ADH6: variants seen among roughly 807,000 people sequenced by gnomAD.
The protein encoded by ADH6 is alcohol dehydrogenase 6.
Under a neutral mutation model 36.5 loss-of-function variants are expected in ADH6, and 34 were observed. The observed-to-expected ratio is 0.93, with a 90% confidence interval of 0.71 to 1.24. The LOEUF (loss-of-function observed/expected upper bound fraction) is 1.24. Ranked by LOEUF, ADH6 falls within the 50% of genes most tolerant of loss-of-function variation. The pLI is 0.00. For missense variants in ADH6, 440 were observed against 447.0 expected (o/e 0.98, Z 0.14); for synonymous variants, 161 against 155.5 (o/e 1.04, Z -0.26).
At chr4:99,205,205 A>G (rs1387194702) in intron 7 of ADH6, 142 bp from the exon 8 acceptor site, 3 of 808,606 alleles carry the variant, frequency 3.7e-6, no homozygotes, top group African/African-American at 3.5e-5. Flanking sequence ...CATCAGGAGA[A>G]TGCCTACCCC....
In ADH6 at chr4:99,216,197, T is replaced by C. The variant is rs747201312; in HGVS notation, c.84A>G (p.Glu28=). The C allele has an allele frequency of 6.3e-7, 1 of 1,577,296 alleles. No individual in the cohort carries two copies. The highest frequency in any genetic ancestry group is 8.6e-7 in the Non-Finnish European group (1 of 1,162,198). The change falls in exon 2 of 9, where the codon GAA becomes GAG. Residue 28 remains glutamate, a synonymous_variant. Transcript: ENST00000394899. ...PGAPFSIEEV[E]VAPPKAKEVR... ...CTTCCTTTGCCTTTGGTGGGGCCACTTCTACCTCTTCAATAGAAAATGGTG... is the reference window on the plus strand; with the variant it reads ...CTTCCTTTGCCTTTGGTGGGGCCACCTCTACCTCTTCAATAGAAAATGGTG...
At chr4:99,211,275 G>T (rs17028735) in intron 3 of ADH6, among the ~76,000 whole-genome samples, 2 of 151,964 alleles carry the variant, frequency 1.3e-5, no homozygotes, top group Non-Finnish European at 2.9e-5. Context: ...CAGTAACCAC[G>T]ATATTTTTCA....
intron 6 of ADH6, 126 bp from the exon 7 acceptor site, chr4:99,207,707 A>AT: frequency 1.0e-6 from 1 of 999,712 alleles, no homozygotes; most frequent in South Asian, 1.9e-5. Flanking sequence ...CCCTATTCTC[A>AT]TTTGAAGTAA....
At chr4:99,211,640 A>C (rs1412338214) in intron 3 of ADH6, among the ~76,000 whole-genome samples, 1 of 152,166 alleles carries the variant, frequency 6.6e-6, no homozygotes, top group Non-Finnish European at 1.5e-5. Context: ...AAGTTCACTA[A>C]TCAGTTGTCA....
chr4:99,206,546 T>C (rs1007381619), intron 7 of ADH6, among the ~76,000 whole-genome samples: 1 of 149,314 alleles, frequency 6.7e-6, no homozygotes, highest in African/African-American at 2.5e-5. Flanking sequence ...ATTTAATAGA[T>C]TATATATATA....
intron 2 of ADH6, among the ~76,000 whole-genome samples, chr4:99,214,577 A>G (rs1272983043): frequency 1.3e-5 from 2 of 152,186 alleles, no homozygotes; most frequent in Admixed American, 1.3e-4. Flanking sequence ...ACTCCAGAAC[A>G]GTGGTTAAGT....
chr4:99,203,751 T>C lies in ADH6; in HGVS notation c.*468A>G, dbSNP rs1730930274. 6.5e-6 allele frequency: 1 copy of C among 153,168 alleles called. No homozygotes were observed. Among genetic ancestry groups the C allele is most frequent in the South Asian group, 2.1e-4 (1 of 4,840 alleles). The allele number at this position is 153,168 out of a possible 1,614,324, so 9.5% of individuals were successfully genotyped here. A position where few individuals can be genotyped will look rare whatever the true frequency, so the allele number is the denominator to read the frequency against. On this transcript the variant is annotated 3_prime_UTR_variant, in exon 9 of 9. Transcript: ENST00000394899. The stretch of plus-strand genomic sequence containing the variant: ...ATTTGTGCCAAGGAGATAGGATAAG[T>C]GAGCATTTGAGACTGGGTTAACTTG...
At chr4:99,218,557 G>T (rs1731530627) in intron 1 of ADH6, among the ~76,000 whole-genome samples, 1 of 152,130 alleles carries the variant, frequency 6.6e-6, no homozygotes, top group Non-Finnish European at 1.5e-5. Context: ...TTTTCTCTCT[G>T]TCAGTCTCTC....
intron 3 of ADH6, among the ~76,000 whole-genome samples, 175 bp from the exon 4 acceptor site, chr4:99,210,677 T>C (rs933083632): frequency 2.6e-5 from 4 of 152,154 alleles, no homozygotes; most frequent in Non-Finnish European, 5.9e-5. Context: ...AAAGAGAGAA[T>C]GTCTTTAGCA....
intron 7 of ADH6, among the ~76,000 whole-genome samples, chr4:99,206,283 A>G (rs749452077): frequency 6.6e-6 from 1 of 152,150 alleles, no homozygotes; most frequent in Non-Finnish European, 1.5e-5. Context: ...ATTGAAAATC[A>G]TTGAACCAGA....
At chr4:99,213,475 A>G (rs1481807179) in intron 3 of ADH6, 131 bp downstream of exon 3, 14 of 776,118 alleles carry the variant, frequency 1.8e-5, no homozygotes, top group Middle Eastern at 2.5e-4. Flanking sequence ...ATTTATCCCT[A>G]CTTTTCTAAG....
Position 99,204,263 on chromosome 4 carries a change from A to T in ADH6, c.1104-20T>A, listed in dbSNP as rs146361551. On this transcript the variant is annotated intron_variant, in intron 8 of 8. Transcript: ENST00000394899. ...CGGATACTGAAAAAAAGAAGAAGAG[A>T]AAAAAGGTTGGAACATTTTTAGAGC... is the stretch of plus-strand genomic sequence containing the variant. 2.8e-3 allele frequency: 4,505 copies of T among 1,597,476 alleles called. 41 individuals carry two copies. Among genetic ancestry groups the T allele is most frequent in the Admixed American group, 0.026 (1,542 of 59,310 alleles).
chr4:99,213,678 G>T lies in ADH6; in HGVS notation c.190C>A (p.Pro64Thr). The change falls in exon 3 of 9, where the codon CCC (proline) becomes ACC (threonine). Residue 64 changes from proline to threonine, a missense_variant. By Grantham distance (38) the Pro-to-Thr change is conservative (BLOSUM62 -1). Coordinates refer to ENST00000394899, the MANE Select transcript of ADH6 (RefSeq NM_001102470.2). ...GCCCCTTCATGGCCCAAGATGGTGG[G>T]ATACAAGAGGTCCAAGTGTTTACTC... is the stretch of plus-strand genomic sequence containing the variant. ...LGSKHLDLLY[P>T]TILGHEGAGI... The T allele has an allele frequency of 6.2e-7, 1 of 1,613,794 alleles. No homozygotes were observed. Among genetic ancestry groups the T allele is most frequent in the Non-Finnish European group, 8.5e-7 (1 of 1,179,908 alleles).
chr4:99,208,342 A>G (rs1285183809), intron 6 of ADH6: 1 of 198,208 alleles, frequency 5.0e-6, no homozygotes. Context: ...TGACTAGTAA[A>G]TATTTTTCTT....
At chr4:99,215,938 A>G in intron 2 of ADH6, 2 of 310,716 alleles carry the variant, frequency 6.4e-6, no homozygotes, top group Non-Finnish European at 1.2e-5. Flanking sequence ...AATAAGCCTG[A>G]GTTTTATCCT....
intron 8 of ADH6, 172 bp downstream of exon 8, chr4:99,204,753 A>G: frequency 7.7e-7 from 1 of 1,292,756 alleles, no homozygotes; most frequent in Non-Finnish European, 9.8e-7. Context: ...TATTAGCTAG[A>G]AATAAAACAA....
At chr4:99,211,578 T>C (rs185628227) in intron 3 of ADH6, among the ~76,000 whole-genome samples, 1 of 152,314 alleles carries the variant, frequency 6.6e-6, no homozygotes, top group Admixed American at 6.5e-5. Context: ...TGTGGTGTCA[T>C]GCCTGTGAGT....
At position 99,203,256 on chromosome 4, in the gene ADH6, G is replaced by C. The variant is rs922905920; in HGVS notation, c.*963C>G. 1.3e-5 allele frequency: 2 copies of C among 152,684 alleles called. No homozygotes were observed. Among genetic ancestry groups the C allele is most frequent in the African/African-American group, 4.8e-5 (2 of 41,426 alleles). 9.5% of individuals were successfully genotyped at this position (152,684 alleles called of 1,614,324 possible). A position where few individuals can be genotyped will look rare whatever the true frequency, so the allele number is the denominator to read the frequency against. On this transcript the variant is annotated 3_prime_UTR_variant, in exon 9 of 9. Coordinates refer to ENST00000394899, the MANE Select transcript of ADH6 (RefSeq NM_001102470.2). ...CTTGTGTGTATGAGGGTTGGTAATA[G>C]GCTCTTTTTGTATCAAGAGGAAGGG...
Position 99,210,477 on chromosome 4 carries a change from C to CAGAA in ADH6, c.284_287dup (p.Pro97SerfsTer14). 1 of 1,611,712 alleles carries CAGAA rather than the reference C, an allele frequency of 6.2e-7. No homozygotes were observed. Among genetic ancestry groups the CAGAA allele is most frequent in the Non-Finnish European group, 8.5e-7 (1 of 1,179,120 alleles). On this transcript the variant is annotated frameshift_variant, in exon 4 of 9. Coordinates refer to ENST00000394899, the MANE Select transcript of ADH6 (RefSeq NM_001102470.2). LOFTEE classifies it high-confidence loss of function. ...AAGAGGTACATTCTCCACACTGTGG[C>CAGAA]AGAAAGAGTGTGATAACTTTGTCAC...
Sources: allele counts gnomAD v4.1 joint callset (sites outside exome capture counted in the v4.1 genomes callset), GRCh38; gene constraint gnomAD v4.1.1; transcripts MANE v1.5; gene names NCBI Gene and HGNC (gene_info 2026-07-23, HGNC 2026-07-21).